Variants in RSBN1L observed in about 807,000 individuals in gnomAD.
The protein encoded by RSBN1L is lysine-specific demethylase RSBN1L.
In RSBN1L, 30 loss-of-function variants were observed where a neutral mutation model predicts 67.7. The ratio of observed to expected loss-of-function variants is 0.44; its 90% CI spans 0.33 to 0.60. RSBN1L has a LOEUF of 0.60. RSBN1L is among the 20% of genes least tolerant of loss of function. The pLI is 0.02. For synonymous variants in RSBN1L, 433 were observed against 387.0 expected (o/e 1.12, Z -1.39); for missense variants, 992 against 1,031.7 (o/e 0.96, Z 0.53).
intron 2 of RSBN1L, among the ~76,000 whole-genome samples, chr7:77,745,326 CTG>C (rs1791468308): frequency 6.6e-6 from 1 of 151,702 alleles, no homozygotes; most frequent in African/African-American, 2.4e-5. Context: ...CTCAGGTAGT[CTG>C]TTAGTGAGAC....
rs187404505 is a variant in RSBN1L at position 77,743,634 on chromosome 7, C to A, written c.704-5790C>A. On this transcript the variant is annotated intron_variant, in intron 2 of 7. Coordinates refer to ENST00000334955, the MANE Select transcript of RSBN1L (RefSeq NM_198467.3). Reference sequence around the variant, plus strand: ...CTCCTGGTAATATTTTCTGATTTAACCTTTTTTGGTGTTAGGCATAAGTGT... The same window carrying A: ...CTCCTGGTAATATTTTCTGATTTAAACTTTTTTGGTGTTAGGCATAAGTGT... 6.1e-3 allele frequency among the ~76,000 whole-genome samples: 930 copies of A among 152,028 alleles called. 8 individuals carry two copies. Among genetic ancestry groups the A allele is most frequent in the Middle Eastern group, 0.037 (11 of 294 alleles).
intron 1 of RSBN1L, among the ~76,000 whole-genome samples, chr7:77,720,222 T>C (rs1240199562): frequency 6.6e-6 from 1 of 152,182 alleles, no homozygotes; most frequent in Non-Finnish European, 1.5e-5. Flanking sequence ...TAAAATTAGG[T>C]ATTGTGCATA....
intron 5 of RSBN1L, 105 bp downstream of exon 5, chr7:77,768,908 A>G: frequency 1.1e-6 from 1 of 918,906 alleles, no homozygotes; most frequent in South Asian, 1.8e-5. Context: ...TTTAGAGCAT[A>G]ATTGGAATAT....
In RSBN1L at chr7:77,779,162, G is replaced by C. The variant is rs752100308; in HGVS notation, c.2535G>C (p.Leu845Phe). ...SNQDKKDDDI[L>F]C ...AAGATAAAAAAGACGATGACATTTT[G>C]TGCTAAATTTGCATATACCATCTAA... The change falls in exon 8 of 8, where the codon TTG becomes TTC. Residue 845 changes from leucine (L) to phenylalanine (F), a missense_variant. This residue lies in a region of RSBN1L where 199 missense variants were observed against 167.7 expected (regional missense o/e 1.19). Coordinates refer to ENST00000334955, the MANE Select transcript of RSBN1L (RefSeq NM_198467.3). The C allele has an allele frequency of 3.7e-5, 59 of 1,576,224 alleles. No homozygotes were observed. Among genetic ancestry groups the C allele is most frequent in the Non-Finnish European group, 5.0e-5 (58 of 1,166,354 alleles).
intron 1 of RSBN1L, among the ~76,000 whole-genome samples, chr7:77,731,223 G>GT (rs1023213847): frequency 2.5e-4 from 38 of 151,754 alleles, no homozygotes; most frequent in African/African-American, 8.0e-4. Flanking sequence ...TGGTTTGTTT[G>GT]TTTTTTTTGA....
chr7:77,715,033 A>G (rs1369515478), intron 1 of RSBN1L, among the ~76,000 whole-genome samples: 1 of 151,404 alleles, frequency 6.6e-6, no homozygotes, highest in Non-Finnish European at 1.5e-5. Context: ...GTACTTTGGT[A>G]GGCTGATATG....
At chr7:77,697,321 T>C in intron 1 of RSBN1L, 1 of 348,042 alleles carries the variant, frequency 2.9e-6, no homozygotes, top group Non-Finnish European at 5.1e-6. Context: ...GCAGGATTTG[T>C]GAAAATCCAT....
intron 1 of RSBN1L, among the ~76,000 whole-genome samples, chr7:77,705,938 T>C (rs553196606): frequency 6.6e-6 from 1 of 152,278 alleles, no homozygotes; most frequent in Non-Finnish European, 1.5e-5. Context: ...TCTCACTTTG[T>C]CGCCAAGGCT....
rs17156719 is a variant in RSBN1L at position 77,709,976 on chromosome 7, T to C, written c.586+12921T>C. Among the ~76,000 whole-genome samples, 827 of 152,348 alleles carry C rather than the reference T, an allele frequency of 5.4e-3. 7 individuals carry two copies. Among genetic ancestry groups the C allele is most frequent in the African/African-American group, 0.019 (782 of 41,562 alleles). ...GTATGTTCCTTGTCTCAGTACCATA[T>C]ACCTAGTGGCTCCGTCTTGGAAACT... On this transcript the variant is annotated intron_variant, in intron 1 of 7. Transcript: ENST00000334955.
chr7:77,724,656 C>G (rs1456760002), intron 1 of RSBN1L, among the ~76,000 whole-genome samples: 1 of 151,816 alleles, frequency 6.6e-6, no homozygotes, highest in Non-Finnish European at 1.5e-5. Flanking sequence ...GAACTCCCGA[C>G]TTCAGGTGAT....
chr7:77,772,225 G>C (rs957002162), intron 5 of RSBN1L, among the ~76,000 whole-genome samples: 8 of 152,184 alleles, frequency 5.3e-5, no homozygotes, highest in African/African-American at 1.9e-4. Context: ...GGTGCACAAA[G>C]AGTAGTTAAA....
Position 77,765,645 on chromosome 7 carries a change from C to A in RSBN1L, c.1482+13C>A. 1 of 1,576,526 alleles carries A rather than the reference C, an allele frequency of 6.3e-7. No homozygotes were observed. Among genetic ancestry groups the A allele is most frequent in the Non-Finnish European group, 8.6e-7 (1 of 1,159,180 alleles). On this transcript the variant is annotated intron_variant, in intron 4 of 7. Transcript: ENST00000334955. ...ACCATTTTTAAAAGTAAGAGACAAT[C>A]TGTCATGGGATTAGAGTTTTTTTTT...
At chr7:77,718,472 A>T (rs914644673) in intron 1 of RSBN1L, among the ~76,000 whole-genome samples, 2 of 151,898 alleles carry the variant, frequency 1.3e-5, no homozygotes, top group African/African-American at 2.4e-5. Context: ...TGTATTTTTT[A>T]TAGAGATGAG....
chr7:77,696,757 C>T lies in RSBN1L; in HGVS notation c.288C>T (p.Ser96=), dbSNP rs201618374. 1,648 of 1,613,862 alleles carry T rather than the reference C, an allele frequency of 1.0e-3. 13 individuals carry two copies. In the Admixed American group the frequency reaches 0.018, roughly 18 times the overall value. ...TTGCCCCTCTGTCTGCTGCTCCCTC[C>T]CCGTCCTCTTCTCGGAGCAGTTTCT... ...WSFAPLSAAP[S]PSSSRSSFSF... is the part of the protein sequence containing the mutation. The change falls in exon 1 of 8, where the codon TCC becomes TCT. Residue 96 remains serine, a synonymous_variant. Coordinates refer to ENST00000334955, the MANE Select transcript of RSBN1L (RefSeq NM_198467.3).
chr7:77,699,427 T>G (rs1468942823), intron 1 of RSBN1L, among the ~76,000 whole-genome samples: 1 of 152,262 alleles, frequency 6.6e-6, no homozygotes, highest in Non-Finnish European at 1.5e-5. Context: ...GCTTTATTTT[T>G]ACATTGGTGA....
At chr7:77,758,422 A>G (rs761939616) in intron 3 of RSBN1L, among the ~76,000 whole-genome samples, 4 of 152,220 alleles carry the variant, frequency 2.6e-5, no homozygotes, top group Non-Finnish European at 2.9e-5. Flanking sequence ...ACAAGCATGC[A>G]ATATGAAATA....
At chr7:77,747,699 A>G (rs1791503352) in intron 2 of RSBN1L, among the ~76,000 whole-genome samples, 1 of 152,250 alleles carries the variant, frequency 6.6e-6, no homozygotes, top group Non-Finnish European at 1.5e-5. Context: ...GCTCTCATGG[A>G]GAACCTCTCT....
chr7:77,749,122 C>T (rs188185286), intron 2 of RSBN1L, among the ~76,000 whole-genome samples: 99 of 152,170 alleles, frequency 6.5e-4, no homozygotes, highest in African/African-American at 2.2e-3. Flanking sequence ...GGCATGGTGA[C>T]GCGCTCCTGT....
At chr7:77,701,836 A>G (rs1335605184) in intron 1 of RSBN1L, among the ~76,000 whole-genome samples, 3 of 151,532 alleles carry the variant, frequency 2.0e-5, no homozygotes, top group African/African-American at 7.3e-5. Context: ...TATTTTTAGT[A>G]GAGATGGGGT....
Sources: gnomAD v4.1 joint callset for allele counts (sites outside exome capture counted in the v4.1 genomes callset) on GRCh38, gnomAD v4.1.1 for gene constraint, gnomAD v4.1.1 regional missense constraint, MANE v1.5 for transcripts, NCBI Gene and HGNC (gene_info 2026-07-23, HGNC 2026-07-21) for gene names.